The following LPIN1 variants were observed in gnomAD, a reference collection of about 807,000 sequenced individuals.
LPIN1 encodes the protein lipin 1.
Under a neutral mutation model 107.5 loss-of-function variants are expected in LPIN1, and 71 were observed. The observed-to-expected ratio is 0.66, with a 90% CI of 0.55 to 0.80. The LOEUF (loss-of-function observed/expected upper bound fraction) is 0.80. Ranked by LOEUF, LPIN1 falls within the 30% of genes least tolerant of loss-of-function variation. LPIN1 has a pLI of 0.00. For synonymous variants in LPIN1, 445 were observed against 452.6 expected (o/e 0.98, Z 0.21); for missense variants, 1,043 against 1,160.6 (o/e 0.90, Z 1.47).
chr2:11,713,793 T>C, exon 2 of LPIN1: 1 of 1,523,392 alleles, frequency 6.6e-7, no homozygotes, highest in Non-Finnish European at 8.8e-7. Context: ...ATTCGAAATG[T>C]ATGGTCTTCA....
upstream of LPIN1, among the ~76,000 whole-genome samples, chr2:11,743,544 A>G (rs192520298): frequency 9.2e-5 from 14 of 152,160 alleles, no homozygotes; most frequent in Non-Finnish European, 1.6e-4. The surrounding 1 kb of genome is among the most constrained non-coding windows in gnomAD (Gnocchi z 4.7). Context: ...GGTTCTTAAG[A>G]GAGTGCGCAG....
At chr2:11,687,043 G>A (rs1662046622) in intron 1 of LPIN1, among the ~76,000 whole-genome samples, 1 of 129,438 alleles carries the variant, frequency 7.7e-6, no homozygotes, top group African/African-American at 3.0e-5. Context: ...GTGCGTTGCT[G>A]AGGCTGGAGT....
chr2:11,736,287 T>G (rs1665784188), intron 1 of LPIN1, among the ~76,000 whole-genome samples: 1 of 152,140 alleles, frequency 6.6e-6, no homozygotes, highest in South Asian at 2.1e-4. Context: ...AAGACAGAAA[T>G]TTCTATCTCA....
chr2:11,802,815 G>T (rs1305157665), intron 14 of LPIN1, 92 bp from the exon 15 acceptor site: 3 of 1,470,526 alleles, frequency 2.0e-6, no homozygotes, highest in Admixed American at 1.7e-5. Flanking sequence ...GGAGAGACTG[G>T]ATTGACTTAG....
chr2:11,775,896 A>G (rs1209786901), intron 5 of LPIN1, among the ~76,000 whole-genome samples, 190 bp from the exon 6 acceptor site: 1 of 147,734 alleles, frequency 6.8e-6, no homozygotes, highest in African/African-American at 2.5e-5. Flanking sequence ...TATAATCTTT[A>G]TATAAAGTAT....
At chr2:11,820,630 T>C (rs952104842) in intron 20 of LPIN1, 116 bp downstream of exon 20, 1 of 710,888 alleles carries the variant, frequency 1.4e-6, no homozygotes, top group African/African-American at 1.8e-5. Context: ...AATCTGTAAT[T>C]CTTATAATGA....
chr2:11,755,312 C>T (rs567448060), intron 1 of LPIN1, among the ~76,000 whole-genome samples: 4 of 152,212 alleles, frequency 2.6e-5, no homozygotes, highest in East Asian at 3.9e-4. Context: ...CCTCGTGCCC[C>T]GACTTGCCAA....
intron 11 of LPIN1, among the ~76,000 whole-genome samples, chr2:11,787,630 A>T (rs1674869953): frequency 6.6e-6 from 1 of 151,780 alleles, no homozygotes; most frequent in Non-Finnish European, 1.5e-5. Flanking sequence ...AGTAGCCTAC[A>T]TCTCTACCCT....
intron 10 of LPIN1, 33 bp downstream of exon 10, chr2:11,785,109 G>A: frequency 6.6e-7 from 1 of 1,503,882 alleles, no homozygotes; most frequent in South Asian, 1.3e-5. Flanking sequence ...GCCCTCTGGT[G>A]GCCGCCGGTC....
rs574849524 is a variant in LPIN1, at chr2:11,798,314, A to G, written c.1886+2827A>G. 8.5e-5 allele frequency among the ~76,000 whole-genome samples: 13 copies of G among 152,282 alleles called. No individual in the cohort carries two copies. The East Asian group carries it at 2.1e-3, about 25-fold the overall frequency. ...GCCTGAGGGTCAGAGAGTTAGGTTTACAAGGGAGGGAAGAGGACAGCAACT... is the reference window on the plus strand; with the variant it reads ...GCCTGAGGGTCAGAGAGTTAGGTTTGCAAGGGAGGGAAGAGGACAGCAACT... On this transcript the variant is annotated intron_variant, in intron 14 of 20. Transcript: ENST00000674199.
chr2:11,783,414 C>T (rs895705649), intron 8 of LPIN1, among the ~76,000 whole-genome samples: 3 of 152,188 alleles, frequency 2.0e-5, no homozygotes, highest in Admixed American at 1.3e-4. Context: ...CCAGGCCACA[C>T]GATGGTGGAT....
intron 17 of LPIN1, among the ~76,000 whole-genome samples, chr2:11,807,658 G>A (rs1049809562): frequency 5.9e-5 from 9 of 151,996 alleles, no homozygotes; most frequent in Admixed American, 1.3e-4. Context: ...AAACCTGTTT[G>A]TCTGGACCCG....
rs766464310 is a variant in LPIN1, at chr2:11,824,703, C to G, written c.2693C>G (p.Pro898Arg). Reference sequence around the variant, plus strand: ...AAAAGAAGCCATTCTTCAGACTTTCCCTGTTCGGATACCTTCAGTAACTTC... The same window carrying G: ...AAAAGAAGCCATTCTTCAGACTTTCGCTGTTCGGATACCTTCAGTAACTTC... ...LLKRSHSSDFPCSDTFSNFTF... is the reference protein window; with the variant it reads ...LLKRSHSSDFRCSDTFSNFTF... The change falls in exon 21 of 21, where the codon CCC (proline) becomes CGC (arginine). Residue 898 changes from proline (P) to arginine (R), a missense_variant. By Grantham distance (103) the Pro-to-Arg change is moderately radical. Transcript: ENST00000674199. 25 of 1,614,044 alleles carry G rather than the reference C, an allele frequency of 1.5e-5. No individual in the cohort carries two copies. In the South Asian group the frequency reaches 2.4e-4, roughly 16 times the overall value.
Position 11,691,909 on chromosome 2 carries a change from T to C in LPIN1, c.81+14181T>C, listed in dbSNP as rs147857770. Among the ~76,000 whole-genome samples, 531 of 152,372 alleles carry C rather than the reference T, an allele frequency of 3.5e-3. 4 individuals carry two copies. Among genetic ancestry groups the C allele is most frequent in the Non-Finnish European group, 5.8e-3 (393 of 68,032 alleles). On this transcript the variant is annotated intron_variant, in intron 1 of 21. Coordinates refer to the LPIN1 transcript ENST00000449576. ...CTATCCTTTAGAGCATCATGAAAGATCTTATCAAATGCTTCTCTGAAACCC... is the reference window on the plus strand; with the variant it reads ...CTATCCTTTAGAGCATCATGAAAGACCTTATCAAATGCTTCTCTGAAACCC...
At chr2:11,725,863 C>G (rs1246457436) in intron 1 of LPIN1, among the ~76,000 whole-genome samples, 1 of 152,122 alleles carries the variant, frequency 6.6e-6, no homozygotes, top group African/African-American at 2.4e-5. Context: ...AATGTGGAAA[C>G]AAATGAAGAT....
At chr2:11,820,655 A>G (rs1285180566) in intron 20 of LPIN1, 141 bp downstream of exon 20, 2 of 654,326 alleles carry the variant, frequency 3.1e-6, no homozygotes, top group Non-Finnish European at 2.7e-6. Flanking sequence ...ATGTATTTTA[A>G]CTCCTTGTAT....
intron 12 of LPIN1, 110 bp from the exon 13 acceptor site, chr2:11,791,804 G>GC (rs1675785345): frequency 2.0e-6 from 3 of 1,509,312 alleles, no homozygotes; most frequent in Non-Finnish European, 2.7e-6. Context: ...TGTTTTCTCT[G>GC]ATTTTTTTTT....
intron 1 of LPIN1, among the ~76,000 whole-genome samples, chr2:11,728,011 C>G (rs756391994): frequency 1.3e-5 from 2 of 152,120 alleles, no homozygotes; most frequent in Non-Finnish European, 2.9e-5. Flanking sequence ...AGTTGAAACA[C>G]TTTTTGCCAG....
chr2:11,739,162 GGA>G (rs138765630), intron 1 of LPIN1, among the ~76,000 whole-genome samples: 32,658 of 152,098 alleles, frequency 0.21, 4,648 homozygotes, highest in African/African-American at 0.4. Context: ...CCCCTCTGGG[GGA>G]AAGCCAGAAG....
Sources: gnomAD v4.1 joint callset for allele counts (sites outside exome capture counted in the v4.1 genomes callset) on GRCh38, gnomAD v4.1.1 for gene constraint, Gnocchi (gnomAD v3.1) non-coding constraint, MANE v1.5 for transcripts, NCBI Gene and HGNC (gene_info 2026-07-23, HGNC 2026-07-21) for gene names.